Variants in GFRA2 observed in about 807,000 individuals in gnomAD.
The protein encoded by GFRA2 is GDNF family receptor alpha 2.
GFRA2 carries 17 observed loss-of-function variants against 48.3 expected under a neutral mutation model. That is an observed-to-expected ratio of 0.35 (90% CI 0.24 to 0.53). The LOEUF (loss-of-function observed/expected upper bound fraction) is 0.53, where lower values mean the gene tolerates loss of function less well. Ranked by LOEUF, GFRA2 falls within the 20% of genes least tolerant of loss-of-function variation. The pLI is 0.93. For missense variants in GFRA2, 660 were observed against 637.3 expected (o/e 1.04, Z -0.38); for synonymous variants, 305 against 257.2 (o/e 1.19, Z -1.78).
At chr8:21,745,373 C>T (rs896361889) in intron 4 of GFRA2, among the ~76,000 whole-genome samples, 2 of 152,226 alleles carry the variant, frequency 1.3e-5, no homozygotes, top group African/African-American at 2.4e-5. Context: ...TGTAGCACTG[C>T]AGCATGGGCA....
intron 6 of GFRA2, among the ~76,000 whole-genome samples, chr8:21,703,545 A>T (rs1466946049): frequency 6.6e-6 from 1 of 152,022 alleles, no homozygotes; most frequent in African/African-American, 2.4e-5. Context: ...AGCCACACAC[A>T]TCTCAAACTC....
chr8:21,774,298 T>C (rs1239587156), intron 3 of GFRA2, among the ~76,000 whole-genome samples: 2 of 152,058 alleles, frequency 1.3e-5, no homozygotes, highest in Non-Finnish European at 2.9e-5. Flanking sequence ...TGCCTACATG[T>C]GGAGCCTGGC....
intron 4 of GFRA2, among the ~76,000 whole-genome samples, chr8:21,724,756 G>T (rs762520221): frequency 2.6e-5 from 4 of 152,140 alleles, no homozygotes; most frequent in Non-Finnish European, 5.9e-5. Flanking sequence ...GAGCATTCAG[G>T]AGTTGGCAGG....
Position 21,693,171 on chromosome 8 carries a change from A to G in GFRA2, c.*107T>C, listed in dbSNP as rs1233027014. On this transcript the variant is annotated 3_prime_UTR_variant, in exon 9 of 9. Transcript: ENST00000524240. ...GTTCAGCGACAAGGTGGGAAAAACAATTTTTTTTTTGCAAGGTGTGTGTGT... is the reference window on the plus strand; with the variant it reads ...GTTCAGCGACAAGGTGGGAAAAACAGTTTTTTTTTTGCAAGGTGTGTGTGT... 4 of 1,061,442 alleles carry G rather than the reference A, an allele frequency of 3.8e-6. No individual in the cohort carries two copies. In the African/African-American group the frequency reaches 5.0e-5, roughly 13 times the overall value. The allele number at this position is 1,061,442 out of a possible 1,614,324, so 65.8% of individuals were successfully genotyped here.
At chr8:21,735,377 C>A (rs542003688) in intron 4 of GFRA2, among the ~76,000 whole-genome samples, 20 of 152,208 alleles carry the variant, frequency 1.3e-4, no homozygotes, top group South Asian at 4.2e-4. Flanking sequence ...AAGCCCCCCC[C>A]CAATCCACCC....
chr8:21,722,628 C>T lies in GFRA2; in HGVS notation c.795-16587G>A, dbSNP rs150151604. Reference sequence around the variant, plus strand: ...GTGAGCTCTCCCATGTGTCCCCACACGCAGACCCATACGAAGGCCCTGCCA... The same window carrying T: ...GTGAGCTCTCCCATGTGTCCCCACATGCAGACCCATACGAAGGCCCTGCCA... On this transcript the variant is annotated intron_variant, in intron 4 of 8. Transcript: ENST00000524240. Among the ~76,000 whole-genome samples the T allele has an allele frequency of 1.1e-4, 16 of 152,270 alleles. 1 individual carries two copies. Among genetic ancestry groups the T allele is most frequent in the South Asian group, 6.2e-4 (3 of 4,824 alleles).
intron 2 of GFRA2, among the ~76,000 whole-genome samples, chr8:21,795,095 C>T (rs1296040857): frequency 6.6e-6 from 1 of 152,200 alleles, no homozygotes; most frequent in Non-Finnish European, 1.5e-5. Context: ...CTGTAAGCCC[C>T]AGGGTAGCCC....
intron 1 of GFRA2, among the ~76,000 whole-genome samples, chr8:21,810,238 C>T (rs1201798461): frequency 6.6e-6 from 1 of 152,200 alleles, no homozygotes; most frequent in African/African-American, 2.4e-5. Flanking sequence ...AAACCTGCCC[C>T]CAGATACCAT....
chr8:21,808,082 C>G (rs1400209623), intron 1 of GFRA2, among the ~76,000 whole-genome samples: 1 of 152,158 alleles, frequency 6.6e-6, no homozygotes, highest in Admixed American at 6.5e-5. Context: ...CTCATAACAC[C>G]TTCTCACTCC....
intron 3 of GFRA2, among the ~76,000 whole-genome samples, chr8:21,773,216 G>A (rs1320337930): frequency 6.6e-6 from 1 of 152,238 alleles, no homozygotes; most frequent in African/African-American, 2.4e-5. Context: ...CCGTAGAGCT[G>A]CCATGGTGCC....
chr8:21,733,727 C>T (rs943342289), intron 4 of GFRA2, among the ~76,000 whole-genome samples: 1 of 152,146 alleles, frequency 6.6e-6, no homozygotes, highest in Non-Finnish European at 1.5e-5. Context: ...TTTTATCTCC[C>T]CAACTTTATG....
chr8:21,782,896 T>C lies in GFRA2; in HGVS notation c.44A>G (p.Glu15Gly). ...AGGGCTGGCCAAAGAGCGGAGGGTC[T>C]CGTCTGGGTGGTGGGGAGGGAAGAC... Reference protein sequence around the residue: ...NVFCLFFFLDETLRSLASPSS... With the variant: ...NVFCLFFFLDGTLRSLASPSS... Residue 15 changes from glutamate (E) to glycine (G), a missense_variant, in exon 2 of 9, where the codon GAG (glutamate) becomes GGG (glycine). Physicochemically the swap from Glu to Gly is moderately conservative, Grantham distance 98 (BLOSUM62 -2). Coordinates refer to ENST00000524240, the MANE Select transcript of GFRA2 (RefSeq NM_001495.5). The C allele has an allele frequency of 4.5e-6, 7 of 1,551,366 alleles. No individual in the cohort carries two copies. The highest frequency in any genetic ancestry group is 4.7e-5 in the East Asian group (2 of 42,204).
At chr8:21,716,583 A>G (rs1803347980) in intron 4 of GFRA2, among the ~76,000 whole-genome samples, 1 of 152,190 alleles carries the variant, frequency 6.6e-6, no homozygotes, top group Admixed American at 6.5e-5. Flanking sequence ...ACTCAGCAGA[A>G]AAGACAACGG....
intron 3 of GFRA2, among the ~76,000 whole-genome samples, chr8:21,759,962 T>A (rs1477949203): frequency 1.4e-5 from 2 of 147,930 alleles, no homozygotes; most frequent in African/African-American, 5.0e-5. Flanking sequence ...CAAGTTGAGG[T>A]AGAATGACTA....
Position 21,788,338 on chromosome 8 carries a change from G to C in GFRA2, c.-179C>G, listed in dbSNP as rs1037924850. 1,868 of 1,368,246 alleles carry C rather than the reference G, an allele frequency of 1.4e-3. 18 individuals carry two copies. The African/African-American group carries it at 0.025, about 18-fold the overall frequency. The allele number at this position is 1,368,246 out of a possible 1,614,324, so 84.8% of individuals were successfully genotyped here. A position where few individuals can be genotyped will look rare whatever the true frequency, so the allele number is the denominator to read the frequency against. On this transcript the variant is annotated 5_prime_UTR_variant, in exon 1 of 9. Coordinates refer to ENST00000524240, the MANE Select transcript of GFRA2 (RefSeq NM_001495.5). ...CTGCGATTCTCGCCTCTGGCTGGAG[G>C]GGGTGGGGTGAGAGGCGGGCGATGG...
upstream of GFRA2, chr8:21,788,943 C>T (rs1209758266): frequency 3.2e-5 from 11 of 346,304 alleles, 1 homozygote; most frequent in South Asian, 3.2e-4. Flanking sequence ...GCCCCCTTCT[C>T]CCTTCGCGGC....
At chr8:21,699,227 C>T (rs1802353562) in intron 7 of GFRA2, among the ~76,000 whole-genome samples, 1 of 152,192 alleles carries the variant, frequency 6.6e-6, no homozygotes, top group Non-Finnish European at 1.5e-5. Context: ...CTCTGAGGTC[C>T]ACAGGTCTGT....
upstream of GFRA2, among the ~76,000 whole-genome samples, chr8:21,789,475 C>G (rs1224584111): frequency 6.6e-6 from 1 of 152,090 alleles, no homozygotes; most frequent in Non-Finnish European, 1.5e-5. Context: ...TTAGAAAAAC[C>G]CCAGCCGGTG....
chr8:21,721,054 A>G (rs1341642306), intron 4 of GFRA2, among the ~76,000 whole-genome samples: 1 of 151,554 alleles, frequency 6.6e-6, no homozygotes, highest in Non-Finnish European at 1.5e-5. Flanking sequence ...AAGGGAAGGG[A>G]CTGATTGATT....
Sources: allele counts gnomAD v4.1 joint callset (sites outside exome capture counted in the v4.1 genomes callset), GRCh38; gene constraint gnomAD v4.1.1; transcripts MANE v1.5; gene names NCBI Gene and HGNC (gene_info 2026-07-23, HGNC 2026-07-21).